The following LRCH2 variants were observed in gnomAD, a reference collection of about 807,000 sequenced individuals.
LRCH2 encodes the protein leucine-rich repeat and calponin homology domain-containing protein 2.
Under a neutral mutation model 68.9 loss-of-function variants are expected in LRCH2, and 38 were observed. The observed-to-expected ratio is 0.55, with a 90% confidence interval of 0.43 to 0.72. The LOEUF (loss-of-function observed/expected upper bound fraction) is 0.72, where lower values mean the gene tolerates loss of function less well. LRCH2 is among the 30% of genes least tolerant of loss of function. The pLI, the probability that LRCH2 is intolerant of heterozygous loss-of-function variation, is 0.00. For missense variants in LRCH2, 528 were observed against 572.9 expected (o/e 0.92, Z 0.80); for synonymous variants, 191 against 208.1 (o/e 0.92, Z 0.71).
chrX:115,190,384 C>A (rs782276686), intron 1 of LRCH2: 3 of 1,161,528 alleles, frequency 2.6e-6, no homozygotes, highest in Non-Finnish European at 3.4e-6. Flanking sequence ...CGGCGCTGCC[C>A]CTGTGTGGGG....
chrX:115,122,995 T>C (rs782570200), intron 18 of LRCH2, 85 bp downstream of exon 18: 124 of 1,094,719 alleles, frequency 1.1e-4, no homozygotes, highest in Non-Finnish European at 1.5e-4. Flanking sequence ...TTAAGGAGCA[T>C]TGAAAATGAA....
chrX:115,154,790 C>G (rs1471107653), intron 12 of LRCH2, among the ~76,000 whole-genome samples: 2 of 110,909 alleles, frequency 1.8e-5, no homozygotes, highest in Admixed American at 1.9e-4. Context: ...CTGGAGACAA[C>G]ATATCAAAAG....
intron 12 of LRCH2, among the ~76,000 whole-genome samples, chrX:115,151,282 A>G (rs1556538267): frequency 9.0e-6 from 1 of 111,039 alleles, no homozygotes; most frequent in African/African-American, 3.3e-5. Context: ...CACGAGTATA[A>G]TAACTTCTGA....
At chrX:115,226,535 T>C (rs1028540390) in intron 1 of LRCH2, among the ~76,000 whole-genome samples, 7 of 111,064 alleles carry the variant, frequency 6.3e-5, no homozygotes, top group Admixed American at 5.8e-4. Context: ...AGAGAGATCA[T>C]TTAGAAAACT....
chrX:115,111,575 TAAC>T lies in LRCH2; in HGVS notation c.*1638_*1640del, dbSNP rs1279373284. On this transcript the variant is annotated 3_prime_UTR_variant, in exon 21 of 21. Transcript: ENST00000317135. ...TTTTTTTTTTATCCAACTAAAAAAT[TAAC>T]AACTAATGAGGTCAAATATTTAAAA... The T allele has an allele frequency of 9.0e-6, 1 of 110,902 alleles. No individual in the cohort carries two copies. The highest frequency in any genetic ancestry group is 3.3e-5 in the African/African-American group (1 of 30,654). The allele number at this position is 110,902 out of a possible 1,213,427, so 9.1% of individuals were successfully genotyped here. A position where few individuals can be genotyped will look rare whatever the true frequency, so the allele number is the denominator to read the frequency against.
chrX:115,156,695 C>T (rs1156763375), intron 11 of LRCH2, 28 bp from the exon 12 acceptor site: 1 of 970,499 alleles, frequency 1.0e-6, no homozygotes, highest in Non-Finnish European at 1.4e-6. Flanking sequence ...CATTAATTCC[C>T]AAATCTATTA....
chrX:115,119,290 C>T (rs1414361334), intron 20 of LRCH2, among the ~76,000 whole-genome samples: 1 of 108,508 alleles, frequency 9.2e-6, no homozygotes, highest in African/African-American at 3.4e-5. Flanking sequence ...AGCCCAAAAT[C>T]TCCTTAACCT....
chrX:115,205,346 C>G (rs2072958216), intron 1 of LRCH2, among the ~76,000 whole-genome samples: 1 of 111,975 alleles, frequency 8.9e-6, no homozygotes, highest in Non-Finnish European at 1.9e-5. Flanking sequence ...GGCAGTTACA[C>G]TCTTCTATGT....
At chrX:115,175,359 C>T (rs1247269033) in intron 5 of LRCH2, among the ~76,000 whole-genome samples, 1 of 111,377 alleles carries the variant, frequency 9.0e-6, no homozygotes, top group Non-Finnish European at 1.9e-5. Flanking sequence ...CCTAATCTAA[C>T]CTTCCCCTAC....
At chrX:115,232,353 C>T (rs929729569) in intron 1 of LRCH2, among the ~76,000 whole-genome samples, 2 of 111,151 alleles carry the variant, frequency 1.8e-5, no homozygotes, top group African/African-American at 6.5e-5. Flanking sequence ...CACCAAGTTG[C>T]ATAATATCTT....
At chrX:115,222,576 C>T (rs1217191690) in intron 1 of LRCH2, among the ~76,000 whole-genome samples, 1 of 112,110 alleles carries the variant, frequency 8.9e-6, no homozygotes, top group Admixed American at 9.5e-5. Flanking sequence ...TTATAAAAAT[C>T]AATTGTATTT....
In LRCH2 at chrX:115,233,824, G is replaced by A; in HGVS notation, c.218C>T (p.Pro73Leu). Residue 73 changes from proline to leucine, a missense_variant, in exon 1 of 21, where the codon CCT becomes CTT. Transcript: ENST00000317135. ...GPPWNPGSLQ[P>L]QHTVRSLDRA... ...GTCCAGGCTCCTCACGGTGTGCTGAGGCTGCAGGCTCCCCGGGTTCCACGG... is the reference window on the plus strand; with the variant it reads ...GTCCAGGCTCCTCACGGTGTGCTGAAGCTGCAGGCTCCCCGGGTTCCACGG... The A allele has an allele frequency of 8.6e-7, 1 of 1,169,011 alleles. No homozygotes were observed. The highest frequency in any genetic ancestry group is 3.2e-5 in the East Asian group (1 of 30,856).
chrX:115,118,821 T>C (rs1279787697), intron 20 of LRCH2, among the ~76,000 whole-genome samples: 1 of 110,272 alleles, frequency 9.1e-6, no homozygotes, highest in Non-Finnish European at 1.9e-5. Flanking sequence ...TTATCCACCA[T>C]GATCAAGTGG....
At chrX:115,124,834 T>C (rs782192397) in intron 16 of LRCH2, among the ~76,000 whole-genome samples, 2 of 111,627 alleles carry the variant, frequency 1.8e-5, no homozygotes, top group African/African-American at 6.5e-5. Flanking sequence ...TGGGGCTGCT[T>C]TTAGGTACAA....
intron 14 of LRCH2, among the ~76,000 whole-genome samples, chrX:115,133,849 A>G (rs922688031): frequency 1.3e-4 from 15 of 111,682 alleles, no homozygotes; most frequent in African/African-American, 3.6e-4. Context: ...TGGCCTCTTT[A>G]AGTGTTCAAG....
intron 17 of LRCH2, among the ~76,000 whole-genome samples, chrX:115,123,583 T>C (rs2072161890): frequency 1.8e-5 from 2 of 112,385 alleles, no homozygotes; most frequent in Non-Finnish European, 3.8e-5. Flanking sequence ...GGATCCATTT[T>C]CTTTTGGGCT....
chrX:115,179,353 T>A, intron 5 of LRCH2, 74 bp downstream of exon 5: 1 of 863,310 alleles, frequency 1.2e-6, no homozygotes, highest in Non-Finnish European at 1.5e-6. Context: ...AGGTGCTTTT[T>A]GATTTACCAG....
intron 14 of LRCH2, among the ~76,000 whole-genome samples, chrX:115,136,166 C>A (rs145616955): frequency 0.031 from 3,485 of 111,461 alleles, 59 homozygotes; most frequent in Non-Finnish European, 0.049. Flanking sequence ...TTGACAAAGT[C>A]ACATAGTTAA....
intron 1 of LRCH2, chrX:115,191,021 C>T: frequency 8.6e-7 from 1 of 1,163,945 alleles, no homozygotes; most frequent in Non-Finnish European, 1.1e-6. Context: ...GGCCGTTCAC[C>T]CGACACCCAC....
Sources: gnomAD v4.1 joint callset for allele counts (sites outside exome capture counted in the v4.1 genomes callset) on GRCh38, gnomAD v4.1.1 for gene constraint, MANE v1.5 for transcripts, NCBI Gene and HGNC (gene_info 2026-07-23, HGNC 2026-07-21) for gene names.